Variants in TAFA5 observed in about 807,000 individuals in gnomAD.
TAFA5 encodes TAFA chemokine like family member 5, also known as chemokine-like protein TAFA-5.
TAFA5 carries 6 observed loss-of-function variants against 15.3 expected under a neutral mutation model. The observed-to-expected ratio is 0.39, with a 90% CI of 0.21 to 0.77. TAFA5 has a LOEUF of 0.77. Ranked by LOEUF, TAFA5 falls within the 30% of genes least tolerant of loss-of-function variation. TAFA5 has a pLI of 0.41. For missense variants in TAFA5, 161 were observed against 193.1 expected (o/e 0.83, Z 0.98); for synonymous variants, 103 against 80.7 (o/e 1.28, Z -1.48).
chr22:48,627,507 G>A (rs940574072), intron 1 of TAFA5, among the ~76,000 whole-genome samples: 68 of 152,270 alleles, frequency 4.5e-4, no homozygotes, highest in African/African-American at 1.5e-3. Flanking sequence ...TTTGTAAATT[G>A]TGACACAGCC....
At chr22:48,728,948 A>C (rs1379762798) in intron 3 of TAFA5, among the ~76,000 whole-genome samples, 1 of 152,212 alleles carries the variant, frequency 6.6e-6, no homozygotes, top group African/African-American at 2.4e-5. Flanking sequence ...CACCTGTTGC[A>C]CCAGTCAGCC....
chr22:48,552,484 T>C lies in TAFA5; in HGVS notation c.112+62780T>C, dbSNP rs1922890430. ...TGAGCGTGTACATCCTCTCTCGGGG[T>C]CCTGCAGGCCACGAGGTGGGCAGCC... On this transcript the variant is annotated intron_variant, in intron 1 of 3. Coordinates refer to ENST00000402357, the MANE Select transcript of TAFA5 (RefSeq NM_001082967.3). This position sits in a 1 kb window ranked among gnomAD's most constrained non-coding sequence, Gnocchi z 4.1. Among the ~76,000 whole-genome samples, 1 of 151,934 alleles carries C rather than the reference T, an allele frequency of 6.6e-6. No individual in the cohort carries two copies. Among genetic ancestry groups the C allele is most frequent in the Non-Finnish European group, 1.5e-5 (1 of 67,978 alleles).
chr22:48,648,051 G>A (rs1177327320), intron 2 of TAFA5, among the ~76,000 whole-genome samples: 1 of 152,212 alleles, frequency 6.6e-6, no homozygotes, highest in East Asian at 1.9e-4. Context: ...ATATGTAGGG[G>A]TGTCGCTGGC....
At chr22:48,524,558 C>T (rs565348712) in intron 1 of TAFA5, among the ~76,000 whole-genome samples, 1 of 152,336 alleles carries the variant, frequency 6.6e-6, no homozygotes, top group South Asian at 2.1e-4. Context: ...CCCCTCCTCC[C>T]AAAACACTCG....
At chr22:48,567,287 G>A (rs1923438872) in intron 1 of TAFA5, among the ~76,000 whole-genome samples, 1 of 152,238 alleles carries the variant, frequency 6.6e-6, no homozygotes, top group Non-Finnish European at 1.5e-5. Context: ...AGGCTGCTGG[G>A]AGGGCCCTCG....
chr22:48,584,443 C>T (rs1924248105), intron 1 of TAFA5, among the ~76,000 whole-genome samples: 1 of 148,996 alleles, frequency 6.7e-6, no homozygotes, highest in South Asian at 2.2e-4. Context: ...TGTAAATACA[C>T]CACACACGTA....
chr22:48,658,344 C>T (rs530851105), intron 2 of TAFA5, among the ~76,000 whole-genome samples: 3 of 152,226 alleles, frequency 2.0e-5, no homozygotes, highest in Admixed American at 6.5e-5. Flanking sequence ...TCCCTTGTCC[C>T]GAGCCTGCAG....
At chr22:48,622,165 G>A (rs1319139228) in intron 1 of TAFA5, among the ~76,000 whole-genome samples, 1 of 152,114 alleles carries the variant, frequency 6.6e-6, no homozygotes, top group Non-Finnish European at 1.5e-5. Flanking sequence ...GGTACCGGGG[G>A]CCCACCTTGA....
rs563069537 is a variant in TAFA5, at chr22:48,709,571, G to A, written c.390+1727G>A. ...CCCTGAATTTGGGAGGGATGGGTGTGAAAGCCACTCTGGGTCCCAGCTTCC... is the reference window on the plus strand; with the variant it reads ...CCCTGAATTTGGGAGGGATGGGTGTAAAAGCCACTCTGGGTCCCAGCTTCC... On this transcript the variant is annotated intron_variant, in intron 3 of 3. Coordinates refer to ENST00000402357, the MANE Select transcript of TAFA5 (RefSeq NM_001082967.3). Among the ~76,000 whole-genome samples the A allele has an allele frequency of 2.0e-4, 30 of 152,342 alleles. No individual in the cohort carries two copies. The East Asian group carries it at 5.4e-3, about 27-fold the overall frequency.
chr22:48,702,151 G>A (rs74541026), intron 2 of TAFA5, among the ~76,000 whole-genome samples: 4,734 of 152,136 alleles, frequency 0.031, 179 homozygotes, highest in African/African-American at 0.09. Context: ...GCGTGTGTGC[G>A]TTTGTGTGTG....
At chr22:48,576,526 T>C in intron 1 of TAFA5, 1 of 1,515,358 alleles carries the variant, frequency 6.6e-7, no homozygotes, top group South Asian at 1.3e-5. Flanking sequence ...GGCCGCGCTC[T>C]GCTGCTTCCT....
intron 3 of TAFA5, among the ~76,000 whole-genome samples, chr22:48,719,383 G>A (rs969069038): frequency 2.0e-5 from 3 of 152,236 alleles, no homozygotes; most frequent in African/African-American, 4.8e-5. Context: ...GTGATCAGAT[G>A]GCGTTCATGG....
At chr22:48,625,464 G>A (rs903095405) in intron 1 of TAFA5, among the ~76,000 whole-genome samples, 1 of 152,212 alleles carries the variant, frequency 6.6e-6, no homozygotes, top group Non-Finnish European at 1.5e-5. Context: ...TCAAGTATCC[G>A]CGTATAGCAC....
chr22:48,503,371 C>G (rs1482909780), intron 1 of TAFA5, among the ~76,000 whole-genome samples: 1 of 152,232 alleles, frequency 6.6e-6, no homozygotes, highest in African/African-American at 2.4e-5. Flanking sequence ...GCCTGGTGTC[C>G]CTCTTGCTTT....
chr22:48,578,643 C>T (rs1199759952), intron 1 of TAFA5, among the ~76,000 whole-genome samples: 1 of 152,202 alleles, frequency 6.6e-6, no homozygotes. Flanking sequence ...GGAGCGATTG[C>T]GGGTCCCAGT....
intron 1 of TAFA5, among the ~76,000 whole-genome samples, chr22:48,562,855 C>T (rs1395315266): frequency 2.0e-5 from 3 of 152,224 alleles, no homozygotes; most frequent in African/African-American, 7.2e-5. Flanking sequence ...AAAACTCCCC[C>T]AAACCACACG....
chr22:48,542,402 CGTGTGTG>C (rs1569019056), intron 1 of TAFA5, among the ~76,000 whole-genome samples: 3 of 57,840 alleles, frequency 5.2e-5, no homozygotes, highest in Non-Finnish European at 6.5e-5. Flanking sequence ...TGTGTGTGTG[CGTGTGTG>C]GCGTGTGTGG....
intron 1 of TAFA5, among the ~76,000 whole-genome samples, chr22:48,613,775 C>A (rs1300999068): frequency 6.6e-6 from 1 of 152,212 alleles, no homozygotes; most frequent in Non-Finnish European, 1.5e-5. Flanking sequence ...ATGCTGACGT[C>A]CTTCCGGCCC....
intron 1 of TAFA5, among the ~76,000 whole-genome samples, chr22:48,614,287 G>GC (rs943365528): frequency 5.3e-5 from 8 of 152,184 alleles, no homozygotes; most frequent in African/African-American, 1.7e-4. Flanking sequence ...ACACCCATCT[G>GC]CCCCCCACAA....
Sources: allele counts gnomAD v4.1 joint callset (sites outside exome capture counted in the v4.1 genomes callset), GRCh38; gene constraint gnomAD v4.1.1; non-coding constraint Gnocchi (gnomAD v3.1); transcripts MANE v1.5; gene names NCBI Gene and HGNC (gene_info 2026-07-23, HGNC 2026-07-21).